Variants in CD40 observed in about 807,000 individuals in gnomAD.
CD40 encodes tumor necrosis factor receptor superfamily member 5.
A neutral mutation model predicts 38.5 loss-of-function variants in CD40; 19 were observed. The observed-to-expected ratio is 0.49, with a 90% CI of 0.34 to 0.72. The LOEUF (loss-of-function observed/expected upper bound fraction) is 0.72, where lower values mean the gene tolerates loss of function less well. CD40 is among the 30% of genes least tolerant of loss of function. The probability of loss-of-function intolerance (pLI) is 0.01; values close to 1 mark genes in which losing one functional copy is unlikely to be tolerated. For synonymous variants in CD40, 130 were observed against 128.7 expected (o/e 1.01, Z -0.07); for missense variants, 256 against 344.1 (o/e 0.74, Z 2.03).
intron 1 of CD40, among the ~76,000 whole-genome samples, chr20:46,119,749 T>C (rs1212140927): frequency 6.6e-6 from 1 of 152,132 alleles, no homozygotes; most frequent in African/African-American, 2.4e-5. Flanking sequence ...AGGGGGATTG[T>C]CTTGCCAAAG....
rs774486667 is a variant in CD40 at position 46,128,287 on chromosome 20, C to T, written c.647-43C>T. 4 of 1,609,588 alleles carry T rather than the reference C, an allele frequency of 2.5e-6. No individual in the cohort carries two copies. The East Asian group carries it at 6.7e-5, about 27-fold the overall frequency. On this transcript the variant is annotated intron_variant, in intron 7 of 8. Transcript: ENST00000372285. ...GGAGACCACCTGTTTCTTATCTGGC[C>T]TCTCCAACTCCCCATCCTTTTTTTT...
chr20:46,127,669 C>A (rs552338521), intron 6 of CD40, among the ~76,000 whole-genome samples: 1 of 152,188 alleles, frequency 6.6e-6, no homozygotes, highest in Non-Finnish European at 1.5e-5. Context: ...AAAAAAAATT[C>A]GGCATGAGAA....
chr20:46,126,809 T>C (rs2085446522), intron 6 of CD40, 108 bp downstream of exon 6: 2 of 1,583,708 alleles, frequency 1.3e-6, no homozygotes, highest in Non-Finnish European at 1.7e-6. Flanking sequence ...GGGAGGCAGT[T>C]TGGGGGTGTG....
chr20:46,128,093 G>A, intron 6 of CD40, 45 bp from the exon 7 acceptor site: 1 of 1,614,090 alleles, frequency 6.2e-7, no homozygotes, highest in South Asian at 1.1e-5. Flanking sequence ...AGGGTAGGGA[G>A]AAACTGCAGG....
intron 6 of CD40, 168 bp downstream of exon 6, chr20:46,126,869 C>G: frequency 9.4e-7 from 1 of 1,059,260 alleles, no homozygotes; most frequent in South Asian, 1.4e-5. Flanking sequence ...ATCACTTCCC[C>G]TCTCTTAGCC....
intron 5 of CD40, 61 bp downstream of exon 5, chr20:46,123,280 T>C: frequency 8.1e-7 from 1 of 1,237,064 alleles, no homozygotes; most frequent in South Asian, 1.2e-5. Flanking sequence ...GCCTCCATTC[T>C]CTCCAGCCAC....
chr20:46,122,453 A>T lies in CD40; in HGVS notation c.256+95A>T, dbSNP rs1244233052. The stretch of plus-strand genomic sequence containing the variant: ...TTTTATGTAGCCAGGGTCTGCTCTG[A>T]TTGGTTGGAGTCCGGGCTGTACTGA... On this transcript the variant is annotated intron_variant, in intron 3 of 8. Transcript: ENST00000372285. This position sits in a 1 kb window ranked among gnomAD's most constrained non-coding sequence, Gnocchi z 5.0. 1 of 1,590,566 alleles carries T rather than the reference A, an allele frequency of 6.3e-7. No homozygotes were observed. The highest frequency in any genetic ancestry group is 8.6e-7 in the Non-Finnish European group (1 of 1,160,882).
At position 46,123,232 on chromosome 20, in the gene CD40, A is replaced by G. The variant is rs765268510; in HGVS notation, c.497+13A>G. 8 of 1,597,526 alleles carry G rather than the reference A, an allele frequency of 5.0e-6. No individual in the cohort carries two copies. The highest frequency in any genetic ancestry group is 6.9e-6 in the Non-Finnish European group (8 of 1,164,900). ...ACCCTTGGACAAGGTATAAGCACTC[A>G]TCCCTTGTGTTTCCTGCTCTAAGAG... On this transcript the variant is annotated intron_variant, in intron 5 of 8. Transcript: ENST00000372285.
chr20:46,123,048 C>A, intron 4 of CD40, 78 bp from the exon 5 acceptor site: 1 of 1,153,524 alleles, frequency 8.7e-7, no homozygotes, highest in Non-Finnish European at 1.3e-6. Context: ...TCCCGTCCTG[C>A]CTGGCCACTG....
At chr20:46,121,597 T>C (rs531917828) in intron 1 of CD40, 10 of 597,262 alleles carry the variant, frequency 1.7e-5, no homozygotes, top group Non-Finnish European at 2.4e-5. Context: ...TACAGTACCA[T>C]TGCTTTGTAA....
At chr20:46,127,351 A>C (rs983827939) in intron 6 of CD40, 1 of 155,356 alleles carries the variant, frequency 6.4e-6, no homozygotes, top group Non-Finnish European at 1.4e-5. Context: ...ATCCATGATG[A>C]GCAAGATAGC....
chr20:46,126,520 G>T, intron 5 of CD40, 120 bp from the exon 6 acceptor site: 1 of 1,151,576 alleles, frequency 8.7e-7, no homozygotes, highest in South Asian at 1.3e-5. Flanking sequence ...TGTGCTCAGT[G>T]AACCTGGATT....
chr20:46,126,777 C>A lies in CD40; in HGVS notation c.559+76C>A, dbSNP rs1257871060. On this transcript the variant is annotated intron_variant, in intron 6 of 8. Coordinates refer to ENST00000372285, the MANE Select transcript of CD40 (RefSeq NM_001250.6). ...AAGGGGGAGATGAGGCACACAGGAA[C>A]ACTGGATGGGAAAAAGGGGAGGGGA... 10 of 1,611,630 alleles carry A rather than the reference C, an allele frequency of 6.2e-6. No homozygotes were observed. In the African/African-American group the frequency reaches 6.7e-5, roughly 11 times the overall value.
chr20:46,129,668 AG>A lies in CD40; in HGVS notation c.*631del, dbSNP rs1227118924. On this transcript the variant is annotated 3_prime_UTR_variant, in exon 9 of 9. Transcript: ENST00000372285. ...ATATGCATCATATATTGATATAACA[AG>A]GGTTCTGGAAGGGTACACAGAAAAC... 1 of 153,758 alleles carries A rather than the reference AG, an allele frequency of 6.5e-6. No homozygotes were observed. The highest frequency in any genetic ancestry group is 1.4e-5 in the Non-Finnish European group (1 of 69,116). The allele number at this position is 153,758 out of a possible 1,614,324, so 9.5% of individuals were successfully genotyped here.
chr20:46,129,417 T>C lies in CD40; in HGVS notation c.*377T>C. 1 of 299,174 alleles carries C rather than the reference T, an allele frequency of 3.3e-6. No individual in the cohort carries two copies. Among genetic ancestry groups the C allele is most frequent in the South Asian group, 3.3e-5 (1 of 30,646 alleles). The allele number at this position is 299,174 out of a possible 1,614,324, so 18.5% of individuals were successfully genotyped here. A position where few individuals can be genotyped will look rare whatever the true frequency, so the allele number is the denominator to read the frequency against. On this transcript the variant is annotated 3_prime_UTR_variant, in exon 9 of 9. Transcript: ENST00000372285. ...GCGCCCAGGAAGCCATATACACAGA[T>C]GCCCATTGCAGCATTGTTTGTGATA...
chr20:46,122,545 G>C lies in CD40; in HGVS notation c.257-65G>C. 6.2e-7 allele frequency: 1 copy of C among 1,605,954 alleles called. No homozygotes were observed. Among genetic ancestry groups the C allele is most frequent in the Non-Finnish European group, 8.5e-7 (1 of 1,172,836 alleles). On this transcript the variant is annotated intron_variant, in intron 3 of 8. Transcript: ENST00000372285. This position sits in a 1 kb window ranked among gnomAD's most constrained non-coding sequence, Gnocchi z 5.0. The stretch of plus-strand genomic sequence containing the variant: ...CTGAGGAAGAAAGAGCAGGCAATGT[G>C]GGGAGTGAGGCTCAGAGCATGGCCC...
chr20:46,129,828 T>C lies in CD40; in HGVS notation c.*788T>C, dbSNP rs1435646258. On this transcript the variant is annotated 3_prime_UTR_variant, in exon 9 of 9. Transcript: ENST00000372285. ...GGAGAGTGAATTCACATAATGCTTA[T>C]GTAATTAAAAAATCATCAAACATGT... 2 of 152,146 alleles carry C rather than the reference T, an allele frequency of 1.3e-5. No homozygotes were observed. The highest frequency in any genetic ancestry group is 2.4e-5 in the African/African-American group (1 of 41,404). The allele number at this position is 152,146 out of a possible 1,614,324, so 9.4% of individuals were successfully genotyped here.
intron 5 of CD40, among the ~76,000 whole-genome samples, chr20:46,123,732 G>A (rs1331053153): frequency 1.3e-5 from 2 of 149,944 alleles, no homozygotes; most frequent in African/African-American, 4.9e-5. Flanking sequence ...TCTGCCTCCT[G>A]GCCTCCCTGC....
rs780015926 is a variant in CD40 at position 46,124,751 on chromosome 20, G to GTTTTTTTTT, written c.497+1557_497+1565dup. On this transcript the variant is annotated intron_variant, in intron 5 of 8. Transcript: ENST00000372285. ...GATAACTGGAGGCACCACTGGTATA[G>GTTTTTTTTT]TTTTTTTTTTTTTTTTTTTTTTTTT... Among the ~76,000 whole-genome samples, 243 of 73,938 alleles carry GTTTTTTTTT rather than the reference G, an allele frequency of 3.3e-3. 50 individuals carry two copies. The highest frequency in any genetic ancestry group is 6.9e-3 in the East Asian group (17 of 2,458). 48.5% of individuals were successfully genotyped at this position (73,938 alleles called of 152,430 possible). A position where few individuals can be genotyped will look rare whatever the true frequency, so the allele number is the denominator to read the frequency against.
Sources: gnomAD v4.1 joint callset for allele counts (sites outside exome capture counted in the v4.1 genomes callset) on GRCh38, gnomAD v4.1.1 for gene constraint, Gnocchi (gnomAD v3.1) non-coding constraint, MANE v1.5 for transcripts, NCBI Gene and HGNC (gene_info 2026-07-23, HGNC 2026-07-21) for gene names.